The following GRID2 variants were observed in gnomAD, a reference collection of about 807,000 sequenced individuals.
GRID2 encodes the protein glutamate ionotropic receptor delta type subunit 2, also known as glutamate receptor ionotropic, delta-2.
Under a neutral mutation model 114.8 loss-of-function variants are expected in GRID2, and 33 were observed. The observed-to-expected ratio is 0.29, with a 90% confidence interval of 0.22 to 0.38. The LOEUF is 0.38. GRID2 is among the 10% of genes least tolerant of loss of function. The pLI, the probability that GRID2 is intolerant of heterozygous loss-of-function variation, is 1.00. For synonymous variants in GRID2, 505 were observed against 449.9 expected, an observed-to-expected ratio of 1.12 and a Z score of -1.55; for missense variants, 1,184 against 1,257.7, an observed-to-expected ratio of 0.94 and a Z score of 0.89.
At position 93,772,455 on chromosome 4, in the gene GRID2, G is replaced by A. The variant is rs1734185168; in HGVS notation, c.2981G>A (p.Gly994Glu). Residue 994 changes from glycine to glutamate, a missense_variant, in exon 16 of 16, where the codon GGG (glycine) becomes GAG (glutamate). Physicochemically the swap from Gly to Glu is moderately conservative, Grantham distance 98. Around this residue, in one of 3 missense-constraint regions of GRID2, gnomAD observed 717 missense variants for 796.9 expected, o/e 0.90. Transcript: ENST00000282020. ...CCTTATCAACCAACTCCTACCCTGG[G>A]GCTCAATCTGGGTAATGATCCAGAC... ...SIPYQPTPTL[G>E]LNLGNDPDRG... is the part of the protein sequence containing the mutation. 6.2e-7 allele frequency: 1 copy of A among 1,609,884 alleles called. No individual in the cohort carries two copies. Among genetic ancestry groups the A allele is most frequent in the Non-Finnish European group, 8.5e-7 (1 of 1,177,522 alleles).
chr4:93,700,830 A>C (rs1727444583), intron 14 of GRID2, among the ~76,000 whole-genome samples: 1 of 152,140 alleles, frequency 6.6e-6, no homozygotes, highest in Non-Finnish European at 1.5e-5. Context: ...AGGGGATTGC[A>C]CGTGTGTGCC....
chr4:93,624,232 A>C (rs1374769834), intron 13 of GRID2, among the ~76,000 whole-genome samples: 1 of 152,044 alleles, frequency 6.6e-6, no homozygotes. Context: ...ATACTTTTTC[A>C]CTTGATTCTG....
chr4:93,128,027 C>CAAAAAAA (rs1008311457), intron 4 of GRID2, among the ~76,000 whole-genome samples: 259 of 20,260 alleles, frequency 0.013, 55 homozygotes, highest in Admixed American at 0.017. Context: ...TCCCCCGCAA[C>CAAAAAAA]AAAAAAAAAA....
At chr4:93,303,354 C>G (rs139828523) in intron 8 of GRID2, among the ~76,000 whole-genome samples, 110 of 152,306 alleles carry the variant, frequency 7.2e-4, no homozygotes, top group African/African-American at 2.4e-3. Context: ...ACAAATATAT[C>G]TTCCCCAGAG....
At position 93,246,572 on chromosome 4, in the gene GRID2, G is replaced by A. The variant is rs546397622; in HGVS notation, c.1245+8082G>A. ...ATTGCACTCCAGCTTGGGTGACAAT[G>A]CAAGACTCCTTCTCAAAAAAAAAAA... On this transcript the variant is annotated intron_variant, in intron 8 of 15. Transcript: ENST00000282020. Among the ~76,000 whole-genome samples, 210 of 145,094 alleles carry A rather than the reference G, an allele frequency of 1.4e-3. 1 individual carries two copies. The highest frequency in any genetic ancestry group is 2.4e-3 in the Non-Finnish European group (165 of 67,386).
At chr4:93,423,070 A>G (rs1768461539) in intron 10 of GRID2, 102 bp downstream of exon 10, 4 of 773,246 alleles carry the variant, frequency 5.2e-6, no homozygotes, top group Non-Finnish European at 8.6e-6. Flanking sequence ...TTCATATAAA[A>G]TAAGTGTGAT....
intron 1 of GRID2, among the ~76,000 whole-genome samples, chr4:92,552,176 G>A (rs1726625509): frequency 6.6e-6 from 1 of 151,588 alleles, no homozygotes; most frequent in Admixed American, 6.6e-5. Flanking sequence ...CTGATTAAAT[G>A]TTAAAAGACC....
At chr4:93,250,469 A>G (rs1748748566) in intron 8 of GRID2, among the ~76,000 whole-genome samples, 1 of 151,862 alleles carries the variant, frequency 6.6e-6, no homozygotes, top group South Asian at 2.1e-4. Context: ...AGTTCTGCAC[A>G]TGTATCCCAG....
chr4:92,372,652 T>C (rs1017979361), intron 1 of GRID2, among the ~76,000 whole-genome samples: 1 of 152,182 alleles, frequency 6.6e-6, no homozygotes, highest in Non-Finnish European at 1.5e-5. Flanking sequence ...ATTTGTTCTG[T>C]TGTGGTGGTC....
chr4:92,346,451 A>G (rs969065047), intron 1 of GRID2, among the ~76,000 whole-genome samples: 1 of 151,950 alleles, frequency 6.6e-6, no homozygotes, highest in African/African-American at 2.4e-5. Flanking sequence ...TGCAGCCTTG[A>G]CCTGCCAGGC....
chr4:92,981,558 C>T (rs888152513), intron 2 of GRID2, among the ~76,000 whole-genome samples: 3 of 151,960 alleles, frequency 2.0e-5, no homozygotes, highest in Non-Finnish European at 4.4e-5. Flanking sequence ...AGGCCTCCAT[C>T]TCTTTATATT....
At chr4:92,895,150 G>A (rs1747067342) in intron 2 of GRID2, among the ~76,000 whole-genome samples, 1 of 151,760 alleles carries the variant, frequency 6.6e-6, no homozygotes, top group African/African-American at 2.4e-5. Flanking sequence ...GAGTTATGAA[G>A]TCACAAAGCT....
intron 2 of GRID2, among the ~76,000 whole-genome samples, chr4:92,646,885 ATTCTTTTTTTTTT>A (rs869063079): frequency 7.3e-5 from 11 of 151,404 alleles, no homozygotes; most frequent in Admixed American, 6.6e-5. Context: ...CAGTCTTTGA[ATTCTTTTTTTTTT>A]TTTTTTTTTT....
chr4:92,716,321 CAG>C (rs1735549624), intron 2 of GRID2, among the ~76,000 whole-genome samples: 1 of 152,150 alleles, frequency 6.6e-6, no homozygotes, highest in Non-Finnish European at 1.5e-5. Flanking sequence ...AAGAACAAAA[CAG>C]AGGAAGTTTT....
chr4:93,245,669 G>T (rs1748127243), intron 8 of GRID2, among the ~76,000 whole-genome samples: 2 of 152,146 alleles, frequency 1.3e-5, no homozygotes, highest in Non-Finnish European at 2.9e-5. Context: ...ACATACCTGG[G>T]TTGAAATTCT....
intron 1 of GRID2, among the ~76,000 whole-genome samples, chr4:92,426,435 G>A (rs1321338604): frequency 2.6e-5 from 4 of 152,088 alleles, no homozygotes; most frequent in Admixed American, 6.5e-5. Context: ...ACCAATAATT[G>A]TAGATGTCTA....
chr4:93,442,477 C>T (rs529876076), intron 10 of GRID2, among the ~76,000 whole-genome samples: 10 of 151,966 alleles, frequency 6.6e-5, no homozygotes, highest in Non-Finnish European at 1.3e-4. Context: ...AACTTTTTCC[C>T]CCACTTAGCA....
chr4:92,694,178 G>A (rs188363512), intron 2 of GRID2, among the ~76,000 whole-genome samples: 18 of 152,274 alleles, frequency 1.2e-4, no homozygotes, highest in East Asian at 5.8e-4. Flanking sequence ...ATTTATTATC[G>A]GATTGGGAAA....
intron 4 of GRID2, among the ~76,000 whole-genome samples, chr4:93,181,635 A>G (rs1392202830): frequency 2.0e-5 from 3 of 152,178 alleles, no homozygotes; most frequent in African/African-American, 2.4e-5. Context: ...TGTAGCTTCT[A>G]CATCAGCACT....
Sources: gnomAD v4.1 joint callset for allele counts (sites outside exome capture counted in the v4.1 genomes callset) on GRCh38, gnomAD v4.1.1 for gene constraint, gnomAD v4.1.1 regional missense constraint, MANE v1.5 for transcripts, NCBI Gene and HGNC (gene_info 2026-07-23, HGNC 2026-07-21) for gene names.